ERC2: variants seen among roughly 807,000 people sequenced by gnomAD.
ERC2 encodes ELKS/RAB6-interacting/CAST family member 2, also known as ERC protein 2.
ERC2 carries 42 observed loss-of-function variants against 114.8 expected under a neutral mutation model. That is an observed-to-expected ratio of 0.37 (90% CI 0.29 to 0.47). The LOEUF (loss-of-function observed/expected upper bound fraction) is 0.47, where lower values mean the gene tolerates loss of function less well. ERC2 is among the 20% of genes least tolerant of loss of function. ERC2 has a pLI of 0.99. For synonymous variants in ERC2, 454 were observed against 425.5 expected, an observed-to-expected ratio of 1.07 and a Z score of -0.82; for missense variants, 939 against 1,150.7, an observed-to-expected ratio of 0.82 and a Z score of 2.66.
chr3:56,184,547 C>T (rs80214905), intron 3 of ERC2, among the ~76,000 whole-genome samples: 3,465 of 152,198 alleles, frequency 0.023, 42 homozygotes, highest in Middle Eastern at 0.061. Context: ...TAGGACTTAC[C>T]GCCCCATGGA....
intron 15 of ERC2, among the ~76,000 whole-genome samples, chr3:55,705,251 C>T (rs929073995): frequency 6.6e-6 from 1 of 152,152 alleles, no homozygotes; most frequent in Non-Finnish European, 1.5e-5. Flanking sequence ...TCAAACGCCC[C>T]TTGAGTTAAG....
At chr3:55,620,742 C>T (rs562014501) in intron 17 of ERC2, among the ~76,000 whole-genome samples, 1 of 152,272 alleles carries the variant, frequency 6.6e-6, no homozygotes, top group African/African-American at 2.4e-5. Context: ...CTTGAAAGCA[C>T]TCCGATTCAC....
chr3:55,881,325 G>C (rs1014012389), intron 14 of ERC2, among the ~76,000 whole-genome samples: 1 of 152,040 alleles, frequency 6.6e-6, no homozygotes, highest in Admixed American at 6.6e-5. Flanking sequence ...GACTTGTGAG[G>C]CTATCTGGAG....
chr3:56,418,152 G>T (rs2061241948), intron 2 of ERC2, among the ~76,000 whole-genome samples: 1 of 152,036 alleles, frequency 6.6e-6, no homozygotes, highest in Admixed American at 6.6e-5. Flanking sequence ...AAAAATATTA[G>T]GTGAGCATGT....
intron 2 of ERC2, among the ~76,000 whole-genome samples, chr3:56,302,253 G>C (rs1006369175): frequency 2.0e-5 from 3 of 152,090 alleles, no homozygotes; most frequent in African/African-American, 7.2e-5. Context: ...AGACCAAAAG[G>C]GGGTAACTGT....
intron 14 of ERC2, among the ~76,000 whole-genome samples, chr3:55,784,351 C>T (rs2069306246): frequency 1.3e-5 from 2 of 152,122 alleles, no homozygotes; most frequent in African/African-American, 4.8e-5. Context: ...CATTTTCCAT[C>T]TTTTCTAAAA....
At chr3:55,666,891 T>C (rs1021838241) in intron 17 of ERC2, among the ~76,000 whole-genome samples, 20 of 150,092 alleles carry the variant, frequency 1.3e-4, no homozygotes, top group African/African-American at 4.4e-4. Context: ...CCAGTTTTCT[T>C]CTCTTTAACA....
intron 13 of ERC2, among the ~76,000 whole-genome samples, chr3:55,922,794 A>C (rs1434706157): frequency 1.3e-5 from 2 of 152,158 alleles, no homozygotes. Flanking sequence ...CAAAAAAAGG[A>C]AACACAATAA....
chr3:55,872,816 T>C (rs1258191866), intron 14 of ERC2, among the ~76,000 whole-genome samples: 1 of 152,152 alleles, frequency 6.6e-6, no homozygotes, highest in African/African-American at 2.4e-5. Flanking sequence ...CTAGTGCCAC[T>C]AATACACCGG....
intron 17 of ERC2, among the ~76,000 whole-genome samples, chr3:55,559,577 G>T (rs566669006): frequency 6.6e-6 from 1 of 152,198 alleles, no homozygotes; most frequent in Non-Finnish European, 1.5e-5. Flanking sequence ...AGTAAGACTG[G>T]AAGTCCCCAA....
At chr3:55,906,870 T>C (rs2064486468) in intron 13 of ERC2, among the ~76,000 whole-genome samples, 1 of 152,210 alleles carries the variant, frequency 6.6e-6, no homozygotes, top group African/African-American at 2.4e-5. Context: ...AAGGATTCCC[T>C]GGCTCATTTC....
intron 14 of ERC2, among the ~76,000 whole-genome samples, chr3:55,785,752 C>A (rs1296591145): frequency 6.6e-6 from 1 of 152,226 alleles, no homozygotes; most frequent in African/African-American, 2.4e-5. Flanking sequence ...GCCAGCTCTG[C>A]ACCATCTTCA....
intron 17 of ERC2, among the ~76,000 whole-genome samples, chr3:55,588,862 C>T (rs1575676698): frequency 6.6e-6 from 1 of 152,168 alleles, no homozygotes; most frequent in South Asian, 2.1e-4. Context: ...ACACTGGCTA[C>T]ACCAGCCTGC....
chr3:56,311,303 AT>A (rs2056562791), intron 2 of ERC2, among the ~76,000 whole-genome samples: 4 of 139,232 alleles, frequency 2.9e-5, no homozygotes, highest in African/African-American at 8.1e-5. Flanking sequence ...ACACATATAT[AT>A]AATTTTTTTT....
intron 17 of ERC2, among the ~76,000 whole-genome samples, chr3:55,569,487 C>T (rs868562593): frequency 3.4e-4 from 52 of 152,274 alleles, no homozygotes; most frequent in Admixed American, 5.2e-4. Context: ...AAGAGCCAGA[C>T]GTGTGGAAAT....
chr3:56,433,344 G>C (rs936714340), intron 2 of ERC2, among the ~76,000 whole-genome samples: 5 of 152,172 alleles, frequency 3.3e-5, no homozygotes, highest in African/African-American at 7.2e-5. Context: ...TATAAAACAG[G>C]CCTCACAGAA....
intron 14 of ERC2, among the ~76,000 whole-genome samples, chr3:55,753,704 G>A (rs1483047603): frequency 1.3e-5 from 2 of 152,212 alleles, no homozygotes; most frequent in East Asian, 1.9e-4. Flanking sequence ...CTATCTGGAG[G>A]AGGCACAAAA....
At position 56,157,407 on chromosome 3, in the gene ERC2, G is replaced by T. The variant is rs1348984636; in HGVS notation, c.1150-8275C>A. Among the ~76,000 whole-genome samples, 4 of 152,256 alleles carry T rather than the reference G, an allele frequency of 2.6e-5. No homozygotes were observed. The South Asian group carries it at 8.3e-4, about 32-fold the overall frequency. On this transcript the variant is annotated intron_variant, in intron 4 of 17. Transcript: ENST00000288221. ...GTGCAGGGCCATCCCCTCAACAATG[G>T]GTTGCATGTCATCTTTCATGTACAT...
chr3:55,513,276 A>G (rs1387705625), intron 17 of ERC2, among the ~76,000 whole-genome samples: 1 of 152,256 alleles, frequency 6.6e-6, no homozygotes, highest in Non-Finnish European at 1.5e-5. Context: ...ACTCCTGGCC[A>G]TACTGGCGAG....
Sources: allele counts gnomAD v4.1 joint callset (sites outside exome capture counted in the v4.1 genomes callset), GRCh38; gene constraint gnomAD v4.1.1; transcripts MANE v1.5; gene names NCBI Gene and HGNC (gene_info 2026-07-23, HGNC 2026-07-21).